Variants in LPAR6 observed in about 807,000 individuals in gnomAD.
The protein encoded by LPAR6 is G-protein coupled purinergic receptor P2Y5.
In LPAR6, 17 loss-of-function variants were observed where a neutral mutation model predicts 22.0. The observed-to-expected ratio is 0.77, with a 90% CI of 0.53 to 1.16. The LOEUF (loss-of-function observed/expected upper bound fraction) is 1.16. Ranked by LOEUF, LPAR6 falls within the 50% of genes most tolerant of loss-of-function variation. The pLI, the probability that LPAR6 is intolerant of heterozygous loss-of-function variation, is 0.00. For synonymous variants in LPAR6, 136 were observed against 139.8 expected (o/e 0.97, Z 0.19); for missense variants, 384 against 406.9 (o/e 0.94, Z 0.48).
chr13:48,431,553 C>A (rs774683775), upstream of LPAR6, among the ~76,000 whole-genome samples: 2 of 152,140 alleles, frequency 1.3e-5, no homozygotes, highest in Non-Finnish European at 2.9e-5. Context: ...AGCAAAATTT[C>A]TGTGGTTACT....
chr13:48,440,070 T>C (rs1949222145), intron 1 of LPAR6, among the ~76,000 whole-genome samples: 1 of 152,148 alleles, frequency 6.6e-6, no homozygotes. Flanking sequence ...TAGAATCTGC[T>C]TAGGAGCTTT....
intron 1 of LPAR6, among the ~76,000 whole-genome samples, chr13:48,390,042 G>A (rs1480999717): frequency 6.6e-6 from 1 of 152,026 alleles, no homozygotes; most frequent in Non-Finnish European, 1.5e-5. Flanking sequence ...TGGTTCTTGG[G>A]AGGCTGAACT....
intron 1 of LPAR6, among the ~76,000 whole-genome samples, chr13:48,436,810 A>AT (rs1254169021): frequency 1.3e-5 from 2 of 152,252 alleles, no homozygotes; most frequent in African/African-American, 4.8e-5. Flanking sequence ...CTTGCGAGGC[A>AT]AAACAGTCTT....
chr13:48,443,092 T>TATAAAATTATGTCATTGA, intron 1 of LPAR6, among the ~76,000 whole-genome samples: 1 of 152,124 alleles, frequency 6.6e-6, no homozygotes, highest in Non-Finnish European at 1.5e-5. Flanking sequence ...TGTTCATGTG[T>TATAAAATTATGTCATTGA]ATAAAATTAT....
chr13:48,412,305 T>C lies in LPAR6; in HGVS notation c.119A>G (p.Tyr40Cys). The C allele has an allele frequency of 6.2e-7, 1 of 1,613,358 alleles. No homozygotes were observed. The highest frequency in any genetic ancestry group is 8.5e-7 in the Non-Finnish European group (1 of 1,179,292). The part of the protein sequence containing the change: ...LGLISNCVAI[Y>C]IFICVLKVRN... Reference sequence around the variant, plus strand: ...GACTTTGAGGACGCAGATGAAAATGTATATGGCAACACAATTGGATATTAA... The same window carrying C: ...GACTTTGAGGACGCAGATGAAAATGCATATGGCAACACAATTGGATATTAA... Residue 40 changes from tyrosine to cysteine, a missense_variant, in exon 1 of 1, where the codon TAC becomes TGC. Physicochemically the swap from Tyr to Cys is radical, Grantham distance 194 (BLOSUM62 -2). Transcript: ENST00000620633.
At chr13:48,417,043 A>G (rs1181499787), upstream of LPAR6, 1 of 152,446 alleles carries the variant, frequency 6.6e-6, no homozygotes, top group African/African-American at 2.4e-5. Context: ...TGAAGAGAGC[A>G]GCAGATCTCC....
rs888509822 is a variant in LPAR6, at chr13:48,411,302, G to T, written c.*87C>A. The T allele has an allele frequency of 1.9e-6, 2 of 1,067,094 alleles. No individual in the cohort carries two copies. Among genetic ancestry groups the T allele is most frequent in the Non-Finnish European group, 1.4e-6 (1 of 695,014 alleles). The allele number at this position is 1,067,094 out of a possible 1,614,324, so 66.1% of individuals were successfully genotyped here. ...TGTCCATGTGTTAATTTCTTTTGGA[G>T]GTGGAAAAATAGTTTGTCCAAAAAG... is the stretch of plus-strand genomic sequence containing the variant. On this transcript the variant is annotated 3_prime_UTR_variant, in exon 1 of 1. Transcript: ENST00000620633.
At chr13:48,403,483 A>G (rs768773449) in intron 1 of LPAR6, among the ~76,000 whole-genome samples, 7 of 152,188 alleles carry the variant, frequency 4.6e-5, no homozygotes, top group Non-Finnish European at 1.0e-4. Context: ...ACAATAAAGT[A>G]GAGAAAACCA....
chr13:48,407,500 ACTGT>A (rs1204401229), downstream of LPAR6, among the ~76,000 whole-genome samples: 8 of 152,190 alleles, frequency 5.3e-5, no homozygotes, highest in African/African-American at 1.9e-4. Flanking sequence ...CTTTTATAAA[ACTGT>A]CTGACATCAA....
chr13:48,406,927 C>T, downstream of LPAR6, among the ~76,000 whole-genome samples: 1 of 152,118 alleles, frequency 6.6e-6, no homozygotes, highest in African/African-American at 2.4e-5. Flanking sequence ...GGTTCTTACC[C>T]TGGCGCTACA....
At chr13:48,420,199 G>A (rs198623) in intron 2 of LPAR6, among the ~76,000 whole-genome samples, 118,924 of 152,124 alleles carry the variant, frequency 0.78, 52,244 homozygotes, top group Non-Finnish European at 0.97. Flanking sequence ...CAAACAAGTC[G>A]GCTTCATCCC....
chr13:48,414,359 A>G (rs919571774), upstream of LPAR6, among the ~76,000 whole-genome samples: 12 of 151,090 alleles, frequency 7.9e-5, no homozygotes, highest in African/African-American at 2.7e-4. Context: ...AAAAAAAAAA[A>G]GTATACTTAT....
exon 1 of LPAR6, chr13:48,426,865 T>G (rs1301811113): frequency 6.6e-6 from 1 of 152,284 alleles, no homozygotes; most frequent in East Asian, 1.9e-4. Flanking sequence ...TCACGGTTCT[T>G]CAGGCTGTAC....
chr13:48,434,608 T>G (rs1290979584), intron 1 of LPAR6, among the ~76,000 whole-genome samples: 2 of 152,118 alleles, frequency 1.3e-5, no homozygotes, highest in Middle Eastern at 3.2e-3. Context: ...ACACCAGGCC[T>G]GTAGAGAGAC....
intron 1 of LPAR6, among the ~76,000 whole-genome samples, chr13:48,437,640 AT>A (rs924933419): frequency 7.9e-5 from 12 of 151,820 alleles, no homozygotes; most frequent in Admixed American, 4.6e-4. Context: ...CAGGGGCTTC[AT>A]TTTTTTTGCC....
Position 48,403,332 on chromosome 13 carries a change from A to C in LPAR6, n.114+12368T>G, listed in dbSNP as rs549686844. Among the ~76,000 whole-genome samples, 6 of 152,272 alleles carry C rather than the reference A, an allele frequency of 3.9e-5. No homozygotes were observed. In the South Asian group the frequency reaches 1.2e-3, roughly 32 times the overall value. ...CCTCCTTTCTCCCCGCAAACCCTAC[A>C]GAAGTGACAAAAAAGACACATATCA... is the stretch of plus-strand genomic sequence containing the variant. On this transcript the variant is annotated intron_variant and non_coding_transcript_variant, in intron 1 of 1. Transcript: ENST00000462781.
At chr13:48,410,185 G>T (rs1459125703), downstream of LPAR6, among the ~76,000 whole-genome samples, 1 of 152,140 alleles carries the variant, frequency 6.6e-6, no homozygotes, top group African/African-American at 2.4e-5. Context: ...CATGCATCAC[G>T]TAATAGCATT....
chr13:48,413,981 T>C (rs1351173756), upstream of LPAR6, among the ~76,000 whole-genome samples: 1 of 152,210 alleles, frequency 6.6e-6, no homozygotes, highest in African/African-American at 2.4e-5. Flanking sequence ...TAACTATATA[T>C]TGAAATATAT....
chr13:48,398,582 C>T (rs1948666240), intron 1 of LPAR6, among the ~76,000 whole-genome samples: 1 of 151,878 alleles, frequency 6.6e-6, no homozygotes, highest in Non-Finnish European at 1.5e-5. Flanking sequence ...TTACACTTCC[C>T]TAGAACAGAT....
Sources: gnomAD v4.1 joint callset for allele counts (sites outside exome capture counted in the v4.1 genomes callset) on GRCh38, gnomAD v4.1.1 for gene constraint, MANE v1.5 for transcripts, NCBI Gene and HGNC (gene_info 2026-07-23, HGNC 2026-07-21) for gene names.